Variants in FLT1 observed in about 807,000 individuals in gnomAD.
The protein encoded by FLT1 is fms related receptor tyrosine kinase 1.
Under a neutral mutation model 156.3 loss-of-function variants are expected in FLT1, and 49 were observed. That is an observed-to-expected ratio of 0.31 (90% CI 0.25 to 0.40). The LOEUF is 0.40. Among genes scored for constraint, FLT1 ranks in the 10% least tolerant of loss-of-function variants. The pLI is 1.00. For missense variants in FLT1, 1,322 were observed against 1,637.2 expected, an observed-to-expected ratio of 0.81 and a Z score of 3.32; for synonymous variants, 594 against 583.8, an observed-to-expected ratio of 1.02 and a Z score of -0.25.
intron 6 of FLT1, among the ~76,000 whole-genome samples, chr13:28,432,620 A>G (rs919655887): frequency 2.0e-5 from 3 of 152,260 alleles, no homozygotes; most frequent in African/African-American, 7.2e-5. Flanking sequence ...CAGTCACACT[A>G]GTCACATTTC....
At position 28,438,352 on chromosome 13, in the gene FLT1, G is replaced by A. The variant is rs772293007; in HGVS notation, c.389-7C>T. ...ACGAAAGGTCTACCTGTATCTGAAT[G>A]AGAAGAAAATGAAAAAAATATATAC... On this transcript the variant is annotated splice_region_variant and splice_polypyrimidine_tract_variant and intron_variant, in intron 3 of 29. Transcript: ENST00000282397. 32 of 1,605,504 alleles carry A rather than the reference G, an allele frequency of 2.0e-5. No homozygotes were observed. The highest frequency in any genetic ancestry group is 2.3e-5 in the Non-Finnish European group (27 of 1,172,382).
intron 14 of FLT1, among the ~76,000 whole-genome samples, chr13:28,374,034 A>G (rs142474429): frequency 2.0e-5 from 3 of 152,300 alleles, no homozygotes; most frequent in Non-Finnish European, 2.9e-5. Context: ...TTCATAGTCA[A>G]AAAAGGAGAA....
chr13:28,341,433 TAACTGTGGACA>T (rs1270088771), intron 16 of FLT1, among the ~76,000 whole-genome samples: 1 of 152,168 alleles, frequency 6.6e-6, no homozygotes, highest in Non-Finnish European at 1.5e-5. Context: ...CCCACACACA[TAACTGTGGACA>T]AACTGCCCTC....
At chr13:28,340,113 G>A (rs908917566) in intron 16 of FLT1, among the ~76,000 whole-genome samples, 2 of 152,124 alleles carry the variant, frequency 1.3e-5, no homozygotes, top group African/African-American at 4.8e-5. Flanking sequence ...TACTTGGGAG[G>A]CTGAGGCAGG....
In FLT1 at chr13:28,431,190, G is replaced by T; in HGVS notation, c.934C>A (p.Arg312Ser). 3.1e-6 allele frequency: 5 copies of T among 1,613,644 alleles called. No individual in the cohort carries two copies. The highest frequency in any genetic ancestry group is 4.2e-6 in the Non-Finnish European group (5 of 1,179,592). ...QNKDKGLYTC[R>S]VRSGPSFKSV... The stretch of plus-strand genomic sequence containing the variant: ...TTGAATGATGGTCCACTCCTTACAC[G>T]ACAAGTATAAAGTCCTTTGTCTTTG... The change falls in exon 7 of 30, where the codon CGT becomes AGT. Residue 312 changes from arginine (R) to serine (S), a missense_variant. By Grantham distance (110) the Arg-to-Ser change is moderately radical (BLOSUM62 -1). Transcript: ENST00000282397.
At chr13:28,489,299 C>T (rs1000925617) in intron 1 of FLT1, among the ~76,000 whole-genome samples, 2 of 152,138 alleles carry the variant, frequency 1.3e-5, no homozygotes, top group African/African-American at 2.4e-5. Context: ...ATTGCTTCTG[C>T]GAAATGATAG....
rs1412942697 is a variant in FLT1 at position 28,303,177 on chromosome 13, G to T, written c.4007C>A (p.Pro1336Gln). ...GCTTCGTGTCAAACTCTAGATGGGT[G>T]GGGTGGAGTACAGGACCACCGAGTT... ...DYNSVVLYST[P>Q]PI is the part of the protein sequence containing the mutation. Residue 1336 changes from proline (P) to glutamine (Q), a missense_variant, in exon 30 of 30, where the codon CCA becomes CAA. Coordinates refer to ENST00000282397, the MANE Select transcript of FLT1 (RefSeq NM_002019.4). 6.2e-7 allele frequency: 1 copy of T among 1,609,900 alleles called. No individual in the cohort carries two copies.
intron 15 of FLT1, among the ~76,000 whole-genome samples, chr13:28,349,801 G>A (rs1450674531): frequency 1.3e-5 from 2 of 151,984 alleles, no homozygotes; most frequent in East Asian, 3.8e-4. Context: ...CACATTTAAG[G>A]AATCAGCCCA....
At chr13:28,418,557 C>G (rs1322305812) in intron 10 of FLT1, among the ~76,000 whole-genome samples, 2 of 152,184 alleles carry the variant, frequency 1.3e-5, no homozygotes, top group East Asian at 3.9e-4. Context: ...GAAGACCAAT[C>G]TATCTAGCCC....
chr13:28,483,579 C>T (rs1376489467), intron 1 of FLT1, among the ~76,000 whole-genome samples: 7 of 152,228 alleles, frequency 4.6e-5, no homozygotes, highest in Non-Finnish European at 7.4e-5. Context: ...TGTCCTTCTC[C>T]GAGTAACAGG....
chr13:28,385,336 A>G (rs988067582), intron 13 of FLT1, among the ~76,000 whole-genome samples: 3 of 152,186 alleles, frequency 2.0e-5, no homozygotes, highest in Non-Finnish European at 4.4e-5. Flanking sequence ...CTTTTCTAAA[A>G]CTCAAGGATT....
intron 1 of FLT1, among the ~76,000 whole-genome samples, chr13:28,476,536 C>T (rs1188526010): frequency 1.3e-5 from 2 of 152,180 alleles, no homozygotes; most frequent in Admixed American, 6.5e-5. Context: ...AGTTTCTAAT[C>T]CTAGGAACCT....
chr13:28,422,169 G>A (rs562894472), intron 10 of FLT1, among the ~76,000 whole-genome samples: 1 of 152,322 alleles, frequency 6.6e-6, no homozygotes, highest in South Asian at 2.1e-4. Flanking sequence ...TTGAATATCA[G>A]TGACGTGCCA....
At chr13:28,357,527 T>C in intron 15 of FLT1, 27 bp downstream of exon 15, 1 of 1,613,262 alleles carries the variant, frequency 6.2e-7, no homozygotes, top group Non-Finnish European at 8.5e-7. Context: ...GACCAATTTC[T>C]TGTTGCTTTC....
chr13:28,407,016 C>A (rs539912698), intron 10 of FLT1, among the ~76,000 whole-genome samples: 1 of 152,108 alleles, frequency 6.6e-6, no homozygotes, highest in African/African-American at 2.4e-5. Context: ...GGGGTACTGG[C>A]CCTGTAACGT....
At chr13:28,416,528 G>A (rs1363873367) in intron 10 of FLT1, among the ~76,000 whole-genome samples, 1 of 152,150 alleles carries the variant, frequency 6.6e-6, no homozygotes, top group East Asian at 1.9e-4. Flanking sequence ...GTCCTAATAA[G>A]ATACTCAAAC....
intron 14 of FLT1, among the ~76,000 whole-genome samples, chr13:28,374,189 T>G (rs1456021760): frequency 2.6e-5 from 4 of 152,092 alleles, no homozygotes; most frequent in Non-Finnish European, 5.9e-5. Context: ...ATTTATGTTA[T>G]GTGCATTTTG....
chr13:28,308,091 A>G (rs985770221), intron 28 of FLT1, among the ~76,000 whole-genome samples: 23 of 152,074 alleles, frequency 1.5e-4, no homozygotes, highest in African/African-American at 4.3e-4. Context: ...CTTCTTAAAC[A>G]TTAATGTGTG....
chr13:28,427,358 G>A, intron 9 of FLT1, 40 bp from the exon 10 acceptor site: 1 of 1,594,662 alleles, frequency 6.3e-7, no homozygotes, highest in South Asian at 1.1e-5. Flanking sequence ...GTCAAGAGCA[G>A]TTCTAATGAC....
Sources: allele counts gnomAD v4.1 joint callset (sites outside exome capture counted in the v4.1 genomes callset), GRCh38; gene constraint gnomAD v4.1.1; transcripts MANE v1.5; gene names NCBI Gene and HGNC (gene_info 2026-07-23, HGNC 2026-07-21).